The following ZNF487 variants were observed in gnomAD, a reference collection of about 807,000 sequenced individuals.
ZNF487 encodes KRAB domain only 1.
Under a neutral mutation model 3.0 loss-of-function variants are expected in ZNF487, and 4 were observed. That is an observed-to-expected ratio of 1.35 (90% CI 0.66 to 3.08). The LOEUF is 3.08. ZNF487 is among the 30% of genes most tolerant of loss of function. ZNF487 has a pLI of 0.01. For missense variants in ZNF487, 146 were observed against 98.7 expected, an observed-to-expected ratio of 1.48 and a Z score of -2.03; for synonymous variants, 55 against 34.6, an observed-to-expected ratio of 1.59 and a Z score of -2.06.
chr10:43,437,012 T>A (rs546208075), upstream of ZNF487: 43 of 383,518 alleles, frequency 1.1e-4, no homozygotes, highest in East Asian at 5.0e-3. Flanking sequence ...GAGCCCCCGC[T>A]AGGCACGCGG....
chr10:43,502,836 A>G, the ZNF487 span, among the ~76,000 whole-genome samples: 3 of 152,098 alleles, frequency 2.0e-5, no homozygotes, highest in Admixed American at 1.3e-4. Flanking sequence ...TTCAAGACCA[A>G]CTTGGGCAAC....
chr10:43,511,935 A>G, the ZNF487 span, among the ~76,000 whole-genome samples: 2 of 152,058 alleles, frequency 1.3e-5, no homozygotes, highest in African/African-American at 4.8e-5. Context: ...TTTTCCAGTA[A>G]TGCTTCTTCC....
the ZNF487 span, among the ~76,000 whole-genome samples, chr10:43,519,442 T>A: frequency 6.6e-6 from 1 of 151,928 alleles, no homozygotes; most frequent in Admixed American, 6.6e-5. Context: ...ATGATTTCTC[T>A]CCTCTTACCT....
the ZNF487 span, among the ~76,000 whole-genome samples, chr10:43,522,286 G>C: frequency 6.6e-6 from 1 of 152,224 alleles, no homozygotes; most frequent in African/African-American, 2.4e-5. Context: ...GAAGGCTGAA[G>C]TGGGCAGATC....
chr10:43,515,698 A>G, the ZNF487 span, among the ~76,000 whole-genome samples: 2 of 152,152 alleles, frequency 1.3e-5, no homozygotes, highest in African/African-American at 4.8e-5. Flanking sequence ...TCTACAGGAG[A>G]TAAGACTCAC....
chr10:43,474,517 A>G (rs1465383625), intron 1 of ZNF487, among the ~76,000 whole-genome samples: 3 of 152,100 alleles, frequency 2.0e-5, no homozygotes, highest in Admixed American at 2.0e-4. Context: ...GTGTGCAATG[A>G]TCATGCCTGT....
At chr10:43,494,706 G>A in the ZNF487 span, among the ~76,000 whole-genome samples, 1 of 148,236 alleles carries the variant, frequency 6.7e-6, no homozygotes, top group Non-Finnish European at 1.5e-5. Flanking sequence ...CAGCACTTGA[G>A]GTCAGGAGTT....
At chr10:43,448,817 A>C (rs1839903607) in intron 1 of ZNF487, among the ~76,000 whole-genome samples, 1 of 151,516 alleles carries the variant, frequency 6.6e-6, no homozygotes, top group South Asian at 2.1e-4. Flanking sequence ...ACTCCGTTTC[A>C]AAAAAATAAA....
intron 1 of ZNF487, among the ~76,000 whole-genome samples, chr10:43,466,192 G>GGGAGACCGTAGGGAGAGGGAGAT (rs1840698440): frequency 6.7e-6 from 1 of 148,986 alleles, no homozygotes; most frequent in Admixed American, 6.7e-5. Flanking sequence ...GAGAGGGAGA[G>GGGAGACCGTAGGGAGAGGGAGAT]GGAGAGGGAG....
the ZNF487 span, among the ~76,000 whole-genome samples, chr10:43,499,750 C>T: frequency 8.5e-6 from 1 of 117,172 alleles, no homozygotes; most frequent in Admixed American, 9.0e-5. Context: ...GACCCTGTCT[C>T]AAAAAAAAAA....
chr10:43,447,574 G>C (rs1210145267), intron 1 of ZNF487, among the ~76,000 whole-genome samples: 1 of 152,178 alleles, frequency 6.6e-6, no homozygotes, highest in Non-Finnish European at 1.5e-5. Context: ...GCCTGGTGTA[G>C]GAACAGGCAC....
chr10:43,475,049 A>T (rs1408861088), intron 1 of ZNF487, among the ~76,000 whole-genome samples: 1 of 152,114 alleles, frequency 6.6e-6, no homozygotes, highest in Non-Finnish European at 1.5e-5. Context: ...CCCAGTGTGC[A>T]GGTGGGTCCC....
At chr10:43,511,356 G>A in the ZNF487 span, among the ~76,000 whole-genome samples, 1 of 152,182 alleles carries the variant, frequency 6.6e-6, no homozygotes, top group African/African-American at 2.4e-5. Context: ...TTGGTTAGAG[G>A]ACGTGCTGTG....
chr10:43,484,561 C>A (rs978194735), downstream of ZNF487, among the ~76,000 whole-genome samples: 12 of 151,962 alleles, frequency 7.9e-5, no homozygotes, highest in Non-Finnish European at 1.3e-4. Flanking sequence ...GAGCCGAGAT[C>A]ATGCCACTGC....
chr10:43,485,216 G>A (rs1486232456), downstream of ZNF487, among the ~76,000 whole-genome samples: 1 of 152,172 alleles, frequency 6.6e-6, no homozygotes, highest in Non-Finnish European at 1.5e-5. Context: ...ATAATGCAAT[G>A]TATGAGGCTT....
chr10:43,462,115 A>G (rs980656922), intron 1 of ZNF487, among the ~76,000 whole-genome samples: 44 of 151,926 alleles, frequency 2.9e-4, no homozygotes, highest in African/African-American at 1.1e-3. Context: ...TCTTAACATG[A>G]CTTTCTTTTT....
chr10:43,479,961 T>G (rs1021488938), intron 3 of ZNF487, among the ~76,000 whole-genome samples: 1 of 38,508 alleles, frequency 2.6e-5, no homozygotes, highest in Non-Finnish European at 6.9e-5. Context: ...TGACTCTCTT[T>G]CTTTCTTTCT....
Position 43,475,977 on chromosome 10 carries a change from T to G in ZNF487, c.34+130T>G, listed in dbSNP as rs1249641970. 3 of 664,606 alleles carry G rather than the reference T, an allele frequency of 4.5e-6. No homozygotes were observed. In the African/African-American group the frequency reaches 5.4e-5, roughly 12 times the overall value. The allele number at this position is 664,606 out of a possible 1,614,324, so 41.2% of individuals were successfully genotyped here. A position where few individuals can be genotyped will look rare whatever the true frequency, so the allele number is the denominator to read the frequency against. ...AGGAGTTGAAGCTTGATTGATCCCTTCTGGGCACTGTAAAGAATATCTGTG... is the reference window on the plus strand; with the variant it reads ...AGGAGTTGAAGCTTGATTGATCCCTGCTGGGCACTGTAAAGAATATCTGTG... On this transcript the variant is annotated intron_variant, in intron 2 of 3. Transcript: ENST00000437590.
chr10:43,497,372 T>C, the ZNF487 span, among the ~76,000 whole-genome samples: 1 of 152,198 alleles, frequency 6.6e-6, no homozygotes, highest in South Asian at 2.1e-4. Context: ...AGGGAGAATG[T>C]GAGCCGTGTA....
Sources: allele counts gnomAD v4.1 joint callset (sites outside exome capture counted in the v4.1 genomes callset), GRCh38; gene constraint gnomAD v4.1.1; transcripts MANE v1.5; gene names NCBI Gene and HGNC (gene_info 2026-07-23, HGNC 2026-07-21).